Variants in ROBO1 observed in about 807,000 individuals in gnomAD.
The protein encoded by ROBO1 is roundabout homolog 1.
ROBO1 carries 149 observed loss-of-function variants against 195.9 expected under a neutral mutation model. That is an observed-to-expected ratio of 0.76 (90% confidence interval 0.67 to 0.87). The LOEUF (loss-of-function observed/expected upper bound fraction) is 0.87, where lower values mean the gene tolerates loss of function less well. ROBO1 is among the 40% of genes least tolerant of loss of function. The pLI, the probability that ROBO1 is intolerant of heterozygous loss-of-function variation, is 0.00. For synonymous variants in ROBO1, 816 were observed against 733.2 expected (o/e 1.11, Z -1.82); for missense variants, 1,933 against 2,068.3 (o/e 0.93, Z 1.27).
intron 2 of ROBO1, among the ~76,000 whole-genome samples, chr3:79,480,961 AT>A (rs1037410818): frequency 6.6e-6 from 1 of 152,084 alleles, no homozygotes; most frequent in Non-Finnish European, 1.5e-5. Flanking sequence ...TGTGAGATCA[AT>A]TTTTTTTCCT....
intron 2 of ROBO1, among the ~76,000 whole-genome samples, chr3:79,410,087 A>C (rs1327734782): frequency 6.6e-6 from 1 of 152,176 alleles, no homozygotes; most frequent in Non-Finnish European, 1.5e-5. Context: ...GAAGTCTAAA[A>C]ACTTTGATTA....
At chr3:78,614,960 G>C (rs1017343206) in intron 27 of ROBO1, among the ~76,000 whole-genome samples, 160 bp from the exon 28 acceptor site, 1 of 152,084 alleles carries the variant, frequency 6.6e-6, no homozygotes, top group Admixed American at 6.6e-5. Flanking sequence ...TAACAGGCTT[G>C]TTGTCACTCT....
chr3:79,408,087 A>G (rs2037620137), intron 2 of ROBO1, among the ~76,000 whole-genome samples: 1 of 152,052 alleles, frequency 6.6e-6, no homozygotes, highest in Non-Finnish European at 1.5e-5. Context: ...GTGGTGGTAC[A>G]TGCCTGTGAT....
chr3:79,640,668 A>G (rs932343980), intron 1 of ROBO1, among the ~76,000 whole-genome samples: 2 of 152,102 alleles, frequency 1.3e-5, no homozygotes, highest in Non-Finnish European at 2.9e-5. Flanking sequence ...CTTAGCTCCC[A>G]TGTGACCTCA....
At chr3:78,722,122 T>C (rs921502133) in intron 5 of ROBO1, among the ~76,000 whole-genome samples, 7 of 152,206 alleles carry the variant, frequency 4.6e-5, no homozygotes, top group East Asian at 1.9e-4. Flanking sequence ...ATGAAAAAAA[T>C]TGTATAACTG....
At chr3:78,805,738 T>C (rs1443737478) in intron 4 of ROBO1, among the ~76,000 whole-genome samples, 1 of 152,132 alleles carries the variant, frequency 6.6e-6, no homozygotes, top group Non-Finnish European at 1.5e-5. Context: ...TTAGGCTCTC[T>C]GTATGTTAAA....
chr3:79,523,607 G>T (rs1471057752), intron 2 of ROBO1, among the ~76,000 whole-genome samples: 2 of 151,402 alleles, frequency 1.3e-5, no homozygotes, highest in African/African-American at 4.9e-5. Context: ...CAAGTAGCTG[G>T]GATTACAGGC....
chr3:79,738,132 A>C (rs2107400821), intron 1 of ROBO1, among the ~76,000 whole-genome samples: 1 of 152,252 alleles, frequency 6.6e-6, no homozygotes, highest in East Asian at 1.9e-4. Context: ...TAATTCAGTA[A>C]GTTTAACACC....
chr3:78,993,070 A>G (rs2077275258), intron 3 of ROBO1, among the ~76,000 whole-genome samples: 1 of 152,172 alleles, frequency 6.6e-6, no homozygotes. Flanking sequence ...TAATCCCACC[A>G]TTTATAGAAT....
At chr3:79,481,475 A>G (rs1017199940) in intron 2 of ROBO1, among the ~76,000 whole-genome samples, 1 of 152,226 alleles carries the variant, frequency 6.6e-6, no homozygotes, top group Non-Finnish European at 1.5e-5. Context: ...TATTTACATT[A>G]CAAAACACTG....
At chr3:79,745,821 T>G (rs1703850425) in intron 1 of ROBO1, among the ~76,000 whole-genome samples, 1 of 152,158 alleles carries the variant, frequency 6.6e-6, no homozygotes. Context: ...ACAATTGGCT[T>G]AAGGTCAAGT....
chr3:79,478,498 T>C (rs1938660254), intron 2 of ROBO1, among the ~76,000 whole-genome samples: 1 of 151,204 alleles, frequency 6.6e-6, no homozygotes, highest in Non-Finnish European at 1.5e-5. Context: ...CTTCTCCCAC[T>C]CCATTATTTA....
intron 2 of ROBO1, among the ~76,000 whole-genome samples, chr3:79,159,958 G>A (rs1180556874): frequency 6.6e-6 from 1 of 151,962 alleles, no homozygotes; most frequent in Non-Finnish European, 1.5e-5. Context: ...TAGAGCTAAC[G>A]TAGCAACTCT....
intron 8 of ROBO1, among the ~76,000 whole-genome samples, chr3:78,713,318 C>A (rs1360907345): frequency 6.6e-6 from 1 of 151,836 alleles, no homozygotes; most frequent in Non-Finnish European, 1.5e-5. Context: ...TTGTACAAAG[C>A]CCACAGTAGA....
At chr3:79,400,153 GC>G (rs1242709909) in intron 2 of ROBO1, among the ~76,000 whole-genome samples, 4 of 151,954 alleles carry the variant, frequency 2.6e-5, no homozygotes, top group Non-Finnish European at 1.5e-5. Context: ...GAAAAATACT[GC>G]AATCAGCTAA....
intron 2 of ROBO1, among the ~76,000 whole-genome samples, chr3:79,496,005 G>C (rs1312165028): frequency 2.6e-5 from 4 of 151,960 alleles, no homozygotes; most frequent in South Asian, 4.1e-4. Flanking sequence ...CTGAGTTTAG[G>C]AGTTGGAGAC....
chr3:79,339,254 T>TA (rs2034809586), intron 2 of ROBO1, among the ~76,000 whole-genome samples: 1 of 152,134 alleles, frequency 6.6e-6, no homozygotes, highest in African/African-American at 2.4e-5. Context: ...TAAATGTAAA[T>TA]CAGCTCACAA....
intron 1 of ROBO1, among the ~76,000 whole-genome samples, chr3:79,764,977 T>C (rs775497573): frequency 2.0e-5 from 3 of 152,152 alleles, no homozygotes; most frequent in Non-Finnish European, 4.4e-5. Context: ...GCTATATCAC[T>C]GGAAATCACT....
At chr3:78,975,632 A>G (rs2076870485) in intron 3 of ROBO1, among the ~76,000 whole-genome samples, 1 of 152,186 alleles carries the variant, frequency 6.6e-6, no homozygotes, top group Non-Finnish European at 1.5e-5. Flanking sequence ...CCAGACATAA[A>G]AACAAGCTTT....
Sources: gnomAD v4.1 joint callset for allele counts (sites outside exome capture counted in the v4.1 genomes callset) on GRCh38, gnomAD v4.1.1 for gene constraint, MANE v1.5 for transcripts, NCBI Gene and HGNC (gene_info 2026-07-23, HGNC 2026-07-21) for gene names.